The following IL1RAPL2 variants were observed in gnomAD, a reference collection of about 807,000 sequenced individuals.
IL1RAPL2 encodes interleukin 1 receptor accessory protein like 2.
Under a neutral mutation model 44.1 loss-of-function variants are expected in IL1RAPL2, and 3 were observed. The ratio of observed to expected loss-of-function variants is 0.07; its 90% confidence interval spans 0.03 to 0.18. The LOEUF (loss-of-function observed/expected upper bound fraction) is 0.18. Ranked by LOEUF, IL1RAPL2 falls within the 10% of genes least tolerant of loss-of-function variation. IL1RAPL2 has a pLI of 1.00. For synonymous variants in IL1RAPL2, 181 were observed against 178.8 expected, an observed-to-expected ratio of 1.01 and a Z score of -0.10; for missense variants, 391 against 496.4, an observed-to-expected ratio of 0.79 and a Z score of 2.02.
chrX:105,653,133 G>A (rs1311335998), intron 6 of IL1RAPL2, among the ~76,000 whole-genome samples: 1 of 111,805 alleles, frequency 8.9e-6, no homozygotes, highest in East Asian at 2.8e-4. Flanking sequence ...GTGCTGAACT[G>A]AGCAGCATGA....
intron 6 of IL1RAPL2, among the ~76,000 whole-genome samples, chrX:105,535,536 G>A (rs1382468831): frequency 1.8e-5 from 2 of 111,617 alleles, no homozygotes; most frequent in Non-Finnish European, 3.8e-5. Flanking sequence ...CATAATCTCC[G>A]AAAACTGGAA....
chrX:105,384,382 C>G (rs1243751835), intron 5 of IL1RAPL2, among the ~76,000 whole-genome samples: 2 of 111,322 alleles, frequency 1.8e-5, no homozygotes, highest in Non-Finnish European at 3.8e-5. Flanking sequence ...TCCCCAATGT[C>G]TATTTTTGGT....
At chrX:105,584,037 CT>C (rs2037109048) in intron 6 of IL1RAPL2, among the ~76,000 whole-genome samples, 1 of 111,882 alleles carries the variant, frequency 8.9e-6, no homozygotes, top group African/African-American at 3.2e-5. Flanking sequence ...AAATATGGTC[CT>C]TTTGGTGACT....
At chrX:105,500,593 T>C (rs1412680000) in intron 6 of IL1RAPL2, among the ~76,000 whole-genome samples, 2 of 111,606 alleles carry the variant, frequency 1.8e-5, no homozygotes, top group Admixed American at 9.5e-5. Flanking sequence ...TTGCCTCCTC[T>C]TTCTCATCTT....
intron 5 of IL1RAPL2, among the ~76,000 whole-genome samples, chrX:105,412,685 G>A (rs1329309844): frequency 9.0e-6 from 1 of 111,271 alleles, no homozygotes; most frequent in Non-Finnish European, 1.9e-5. Flanking sequence ...CTAGGAGAGA[G>A]CTTTTGAATG....
intron 5 of IL1RAPL2, among the ~76,000 whole-genome samples, chrX:105,304,764 C>A (rs888527746): frequency 3.6e-5 from 4 of 111,998 alleles, no homozygotes; most frequent in African/African-American, 1.3e-4. Context: ...CATCAAGGTA[C>A]TAAATATATC....
intron 2 of IL1RAPL2, among the ~76,000 whole-genome samples, chrX:104,937,367 C>G (rs113321308): frequency 0.12 from 12,955 of 111,773 alleles, 757 homozygotes; most frequent in Non-Finnish European, 0.17. Flanking sequence ...ATTCAGGAAG[C>G]TAGATATCTT....
At chrX:104,972,422 CT>C (rs1459132909) in intron 2 of IL1RAPL2, among the ~76,000 whole-genome samples, 3 of 111,554 alleles carry the variant, frequency 2.7e-5, no homozygotes, top group Non-Finnish European at 5.7e-5. Context: ...CAGGTGGAAT[CT>C]GTTAAGTAGG....
chrX:105,628,494 A>T (rs766484775), intron 6 of IL1RAPL2, among the ~76,000 whole-genome samples: 9 of 112,573 alleles, frequency 8.0e-5, no homozygotes, highest in Non-Finnish European at 1.5e-4. Context: ...AACAAACACT[A>T]AAGATTTTGT....
intron 6 of IL1RAPL2, among the ~76,000 whole-genome samples, chrX:105,493,931 T>C (rs1217809835): frequency 8.9e-6 from 1 of 111,988 alleles, no homozygotes; most frequent in Non-Finnish European, 1.9e-5. Context: ...AAGCAGTACA[T>C]ATGCCTGAAA....
At chrX:104,630,853 T>C (rs1473502855) in intron 1 of IL1RAPL2, among the ~76,000 whole-genome samples, 2 of 110,509 alleles carry the variant, frequency 1.8e-5, no homozygotes, top group African/African-American at 6.6e-5. Flanking sequence ...CTTTTTTTTA[T>C]TATACTTTAA....
At chrX:105,713,652 T>C (rs1217446291) in intron 6 of IL1RAPL2, among the ~76,000 whole-genome samples, 3 of 111,313 alleles carry the variant, frequency 2.7e-5, no homozygotes, top group Non-Finnish European at 5.7e-5. Flanking sequence ...CCCAGGCCTG[T>C]TACCCCAAAC....
At chrX:105,566,899 T>A (rs2036978659) in intron 6 of IL1RAPL2, among the ~76,000 whole-genome samples, 1 of 110,371 alleles carries the variant, frequency 9.1e-6, no homozygotes, top group African/African-American at 3.3e-5. Flanking sequence ...CAGGATTAGA[T>A]GATACCTCTG....
intron 5 of IL1RAPL2, among the ~76,000 whole-genome samples, chrX:105,331,665 C>T (rs1226811694): frequency 9.0e-6 from 1 of 111,576 alleles, no homozygotes; most frequent in Non-Finnish European, 1.9e-5. Context: ...AGTTTTAAAT[C>T]ACTGGTGCTT....
At chrX:104,894,203 G>T (rs969356599) in intron 2 of IL1RAPL2, among the ~76,000 whole-genome samples, 5 of 111,369 alleles carry the variant, frequency 4.5e-5, no homozygotes, top group African/African-American at 1.6e-4. Flanking sequence ...CTTTCTCTCT[G>T]GCTGCCCTTA....
chrX:105,707,995 A>G (rs2038179038), intron 6 of IL1RAPL2, among the ~76,000 whole-genome samples: 1 of 111,040 alleles, frequency 9.0e-6, no homozygotes, highest in Non-Finnish European at 1.9e-5. Flanking sequence ...AGTATAATGA[A>G]TGGCAAGACC....
At chrX:104,577,475 A>G (rs1310685837) in intron 1 of IL1RAPL2, among the ~76,000 whole-genome samples, 1 of 111,976 alleles carries the variant, frequency 8.9e-6, no homozygotes, top group African/African-American at 3.2e-5. Flanking sequence ...CACAGGGACA[A>G]AAGAATGAGA....
At chrX:105,035,240 AC>A (rs2031607244) in intron 2 of IL1RAPL2, among the ~76,000 whole-genome samples, 1 of 111,258 alleles carries the variant, frequency 9.0e-6, no homozygotes, top group South Asian at 3.8e-4. Flanking sequence ...GGTGCACTGC[AC>A]CCACTGTCCT....
At chrX:105,120,971 A>G (rs984264396) in intron 2 of IL1RAPL2, among the ~76,000 whole-genome samples, 1 of 111,180 alleles carries the variant, frequency 9.0e-6, no homozygotes, top group African/African-American at 3.3e-5. Flanking sequence ...TCAGTTTCTT[A>G]AAAGCAAAAG....
Sources: gnomAD v4.1 joint callset for allele counts (sites outside exome capture counted in the v4.1 genomes callset) on GRCh38, gnomAD v4.1.1 for gene constraint, MANE v1.5 for transcripts, NCBI Gene and HGNC (gene_info 2026-07-23, HGNC 2026-07-21) for gene names.